The following ST7 variants were observed in gnomAD, a reference collection of about 807,000 sequenced individuals.
ST7 encodes suppression of tumorigenicity 7, also known as suppressor of tumorigenicity 7 protein.
A neutral mutation model predicts 78.7 loss-of-function variants in ST7; 28 were observed. The ratio of observed to expected loss-of-function variants is 0.36; its 90% CI spans 0.26 to 0.49. ST7 has a LOEUF of 0.49. Among genes scored for constraint, ST7 ranks in the 20% least tolerant of loss-of-function variants. ST7 has a pLI of 0.99. For missense variants in ST7, 418 were observed against 696.0 expected (o/e 0.60, Z 4.49); for synonymous variants, 247 against 249.6 (o/e 0.99, Z 0.10).
chr7:117,154,982 C>T (rs562149761), intron 9 of ST7, among the ~76,000 whole-genome samples: 2 of 152,180 alleles, frequency 1.3e-5, no homozygotes, highest in Non-Finnish European at 2.9e-5. Context: ...GAATGCCTCA[C>T]ACCAGGACAG....
Position 117,227,743 on chromosome 7 carries a change from A to G in ST7, c.1639-2019A>G, listed in dbSNP as rs145137536. Among the ~76,000 whole-genome samples, 1,204 of 152,266 alleles carry G rather than the reference A, an allele frequency of 7.9e-3. 42 individuals carry two copies. Among genetic ancestry groups the G allele is most frequent in the Admixed American group, 0.064 (984 of 15,292 alleles). ...CCATTGTCTCCCATGATGCCTTCCA[A>G]CTGCATTCATGGGTGCTCCCAATCC... On this transcript the variant is annotated intron_variant, in intron 15 of 15. Coordinates refer to ENST00000323984, the MANE Select transcript of ST7 (RefSeq NM_001369598.1).
At chr7:116,993,902 G>A (rs1369849255) in intron 1 of ST7, among the ~76,000 whole-genome samples, 12 of 152,214 alleles carry the variant, frequency 7.9e-5, no homozygotes. Context: ...AAATAGAAAA[G>A]CAGGTAGCAG....
At chr7:117,062,304 G>A (rs1798401566) in intron 1 of ST7, among the ~76,000 whole-genome samples, 1 of 152,132 alleles carries the variant, frequency 6.6e-6, no homozygotes, top group Non-Finnish European at 1.5e-5. Flanking sequence ...GAATTTTGGA[G>A]GAATGCAATT....
At chr7:117,068,972 A>G (rs1798781346) in intron 1 of ST7, among the ~76,000 whole-genome samples, 1 of 152,236 alleles carries the variant, frequency 6.6e-6, no homozygotes, top group Non-Finnish European at 1.5e-5. Flanking sequence ...GAGGCAGGTT[A>G]AAAGGAAATG....
intron 1 of ST7, among the ~76,000 whole-genome samples, chr7:117,022,646 G>A (rs1397441713): frequency 1.3e-5 from 2 of 151,948 alleles, no homozygotes; most frequent in African/African-American, 2.4e-5. Flanking sequence ...AACCATCTAG[G>A]GTGTTCTTAC....
chr7:117,169,621 T>C (rs1004092037), intron 9 of ST7, among the ~76,000 whole-genome samples: 2 of 152,136 alleles, frequency 1.3e-5, no homozygotes, highest in African/African-American at 4.8e-5. Flanking sequence ...TAGTCCAGTC[T>C]CTTGCTCCTT....
intron 12 of ST7, among the ~76,000 whole-genome samples, chr7:117,208,852 CTGT>C (rs929125712): frequency 7.3e-5 from 11 of 150,614 alleles, no homozygotes; most frequent in African/African-American, 2.7e-4. Context: ...ATTGCATGGG[CTGT>C]TGTTATGTTT....
intron 2 of ST7, among the ~76,000 whole-genome samples, chr7:117,101,668 T>G (rs572996898): frequency 3.3e-5 from 5 of 152,282 alleles, no homozygotes; most frequent in Admixed American, 1.3e-4. Flanking sequence ...TCTAAACAGT[T>G]CACGCCAAGG....
chr7:117,138,881 TG>T (rs1267024196), intron 9 of ST7, among the ~76,000 whole-genome samples: 1 of 152,166 alleles, frequency 6.6e-6, no homozygotes, highest in Non-Finnish European at 1.5e-5. Context: ...ATTAAACCTT[TG>T]GGGCTGCAGC....
At chr7:117,216,013 T>C (rs1482517462) in intron 13 of ST7, among the ~76,000 whole-genome samples, 1 of 152,076 alleles carries the variant, frequency 6.6e-6, no homozygotes, top group Non-Finnish European at 1.5e-5. Context: ...TTAGAAGTCA[T>C]TGGGAAAATC....
intron 1 of ST7, among the ~76,000 whole-genome samples, chr7:116,989,544 G>T (rs976238693): frequency 2.0e-5 from 3 of 146,774 alleles, no homozygotes; most frequent in Non-Finnish European, 1.5e-5. Flanking sequence ...GGTTGTTTTT[G>T]TCAGTATTTT....
At chr7:117,145,112 C>G (rs1452429445) in intron 9 of ST7, among the ~76,000 whole-genome samples, 2 of 152,084 alleles carry the variant, frequency 1.3e-5, no homozygotes, top group East Asian at 3.9e-4. Flanking sequence ...GAGGCTGAAG[C>G]AGGAAGATCT....
intron 1 of ST7, among the ~76,000 whole-genome samples, chr7:117,010,389 T>C (rs140895492): frequency 1.2e-3 from 185 of 152,318 alleles, no homozygotes; most frequent in African/African-American, 4.3e-3. Context: ...AATCCTTTTT[T>C]TAGTGGAGTC....
At chr7:117,110,036 C>T (rs565608612) in intron 2 of ST7, among the ~76,000 whole-genome samples, 1 of 152,180 alleles carries the variant, frequency 6.6e-6, no homozygotes, top group Non-Finnish European at 1.5e-5. Flanking sequence ...TAAATAGAGG[C>T]AACTTCAGAC....
At chr7:117,126,961 G>C (rs1436433518) in intron 3 of ST7, among the ~76,000 whole-genome samples, 2 of 151,862 alleles carry the variant, frequency 1.3e-5, no homozygotes, top group Non-Finnish European at 1.5e-5. Context: ...GAACATTTCT[G>C]TCAGCACTTG....
intron 2 of ST7, among the ~76,000 whole-genome samples, chr7:117,113,924 G>A (rs1293992731): frequency 6.6e-6 from 1 of 152,134 alleles, no homozygotes; most frequent in African/African-American, 2.4e-5. Flanking sequence ...CTCCCTTTTA[G>A]GCCATAGTAG....
intron 1 of ST7, chr7:116,972,940 C>A: frequency 1.7e-6 from 2 of 1,207,708 alleles, no homozygotes; most frequent in East Asian, 4.7e-5. Context: ...GCTCGCACTC[C>A]GATTCCTGCC....
At chr7:117,121,234 C>T (rs972862926) in intron 3 of ST7, among the ~76,000 whole-genome samples, 1 of 152,316 alleles carries the variant, frequency 6.6e-6, no homozygotes, top group Non-Finnish European at 1.5e-5. Flanking sequence ...GAATAATAAA[C>T]AGCATTTATT....
intron 1 of ST7, among the ~76,000 whole-genome samples, chr7:117,001,977 A>G (rs1396371140): frequency 2.0e-5 from 3 of 152,106 alleles, no homozygotes; most frequent in Non-Finnish European, 4.4e-5. Context: ...TGTAATCCCA[A>G]CACTTTGGGA....
Sources: allele counts gnomAD v4.1 joint callset (sites outside exome capture counted in the v4.1 genomes callset), GRCh38; gene constraint gnomAD v4.1.1; transcripts MANE v1.5; gene names NCBI Gene and HGNC (gene_info 2026-07-23, HGNC 2026-07-21).